Variants in NCAM2 observed in about 807,000 individuals in gnomAD.
NCAM2 encodes the protein N-CAM-2.
A neutral mutation model predicts 98.1 loss-of-function variants in NCAM2; 30 were observed. The observed-to-expected ratio is 0.31, with a 90% CI of 0.23 to 0.41. The LOEUF is 0.41. NCAM2 is among the 10% of genes least tolerant of loss of function. The probability of loss-of-function intolerance (pLI) is 1.00; values close to 1 mark genes in which losing one functional copy is unlikely to be tolerated. For synonymous variants in NCAM2, 368 were observed against 342.4 expected (o/e 1.07, Z -0.83); for missense variants, 867 against 1,005.8 (o/e 0.86, Z 1.87).
chr21:21,196,358 T>G (rs910738929), intron 1 of NCAM2, among the ~76,000 whole-genome samples: 1 of 152,222 alleles, frequency 6.6e-6, no homozygotes, highest in Non-Finnish European at 1.5e-5. Flanking sequence ...GGTGAGCCAT[T>G]TCGGTTCCAC....
chr21:21,502,437 G>T (rs1987698525), intron 15 of NCAM2, among the ~76,000 whole-genome samples: 2 of 151,824 alleles, frequency 1.3e-5, no homozygotes, highest in Admixed American at 1.3e-4. Flanking sequence ...CATGTCTATT[G>T]ACCTTAATCT....
chr21:21,328,326 A>G (rs540228886), intron 6 of NCAM2, among the ~76,000 whole-genome samples: 1 of 152,200 alleles, frequency 6.6e-6, no homozygotes, highest in Middle Eastern at 3.4e-3. Flanking sequence ...TATTTACTAT[A>G]CCGTACTTTT....
At chr21:21,135,020 G>A (rs1281579154) in intron 1 of NCAM2, among the ~76,000 whole-genome samples, 1 of 138,690 alleles carries the variant, frequency 7.2e-6, no homozygotes, top group African/African-American at 2.9e-5. Flanking sequence ...AGATCACGAG[G>A]TCAGGAGATC....
intron 10 of NCAM2, among the ~76,000 whole-genome samples, chr21:21,412,249 A>G (rs1326022560): frequency 6.6e-6 from 1 of 152,132 alleles, no homozygotes; most frequent in Non-Finnish European, 1.5e-5. Context: ...GCGCACACAG[A>G]GTTCTGGTGT....
intron 1 of NCAM2, among the ~76,000 whole-genome samples, chr21:21,227,103 T>C (rs1786341844): frequency 6.6e-6 from 1 of 152,046 alleles, no homozygotes; most frequent in East Asian, 1.9e-4. Flanking sequence ...ACAATGTTAC[T>C]GCAAACAAAT....
intron 16 of NCAM2, among the ~76,000 whole-genome samples, chr21:21,515,691 C>T (rs1988671616): frequency 6.6e-6 from 1 of 151,958 alleles, no homozygotes; most frequent in South Asian, 2.1e-4. Flanking sequence ...TAATTAAAAT[C>T]CAATATATTA....
chr21:21,194,075 A>C (rs1819188969), intron 1 of NCAM2, among the ~76,000 whole-genome samples: 1 of 152,158 alleles, frequency 6.6e-6, no homozygotes, highest in Admixed American at 6.5e-5. Context: ...TGACACGTAC[A>C]ACCTACATTT....
intron 1 of NCAM2, among the ~76,000 whole-genome samples, chr21:21,089,072 A>C (rs2826652): frequency 1.1e-5 from 1 of 90,908 alleles, no homozygotes; most frequent in Non-Finnish European, 2.2e-5. Context: ...TATGTCAATC[A>C]TTTTTTTTAG....
At chr21:21,433,719 G>T (rs1440856092) in intron 12 of NCAM2, among the ~76,000 whole-genome samples, 1 of 135,972 alleles carries the variant, frequency 7.4e-6, no homozygotes, top group East Asian at 2.4e-4. Context: ...CTCCAGCCTG[G>T]GCGACAGAGC....
intron 6 of NCAM2, among the ~76,000 whole-genome samples, chr21:21,331,883 G>C (rs1451018096): frequency 6.9e-6 from 1 of 144,690 alleles, no homozygotes; most frequent in Non-Finnish European, 1.5e-5. Context: ...CACCACACCT[G>C]GCCGTATCCT....
chr21:21,297,944 C>A (rs1270153070), intron 5 of NCAM2, among the ~76,000 whole-genome samples: 1 of 151,730 alleles, frequency 6.6e-6, no homozygotes. Flanking sequence ...GGATAAAAAA[C>A]ACCTAGTAAT....
intron 1 of NCAM2, among the ~76,000 whole-genome samples, chr21:21,088,521 T>G (rs941677040): frequency 6.6e-6 from 1 of 152,192 alleles, no homozygotes; most frequent in Admixed American, 6.5e-5. Context: ...AAGGAAAAGT[T>G]CAAACCACAT....
chr21:21,234,303 T>A (rs13050632), intron 1 of NCAM2, among the ~76,000 whole-genome samples: 2 of 151,668 alleles, frequency 1.3e-5, no homozygotes, highest in Non-Finnish European at 2.9e-5. Flanking sequence ...AAAAAAGTAG[T>A]AAATAAATGG....
intron 1 of NCAM2, among the ~76,000 whole-genome samples, chr21:21,068,135 C>CT (rs68078560): frequency 0.019 from 1,714 of 88,518 alleles, 69 homozygotes; most frequent in African/African-American, 0.062. Context: ...ACTTTTTTTT[C>CT]TTTTTTTTTT....
In NCAM2 at chr21:21,377,940, CT is replaced by C. The variant is rs1374691972; in HGVS notation, c.1195+3932del. Among the ~76,000 whole-genome samples the C allele has an allele frequency of 9.9e-5, 15 of 152,036 alleles. 1 individual carries two copies. The South Asian group carries it at 1.9e-3, about 19-fold the overall frequency. ...TTAAGGAAGATTATGAGGTAGTTGT[CT>C]TTTTGTGTTTGGCTTATTTAACTGA... On this transcript the variant is annotated intron_variant, in intron 9 of 17. Transcript: ENST00000400546.
intron 1 of NCAM2, among the ~76,000 whole-genome samples, chr21:21,259,638 T>C (rs1051182840): frequency 2.0e-5 from 3 of 152,106 alleles, no homozygotes; most frequent in African/African-American, 4.8e-5. Context: ...TAGAATGGCT[T>C]AGTGCTAGTT....
At chr21:21,500,446 A>C (rs577829865) in intron 15 of NCAM2, among the ~76,000 whole-genome samples, 1 of 152,158 alleles carries the variant, frequency 6.6e-6, no homozygotes, top group African/African-American at 2.4e-5. Context: ...AGAAATGGAA[A>C]TAGTGTTACA....
At chr21:21,276,574 A>T (rs1223011457) in intron 1 of NCAM2, among the ~76,000 whole-genome samples, 1 of 152,076 alleles carries the variant, frequency 6.6e-6, no homozygotes, top group African/African-American at 2.4e-5. Flanking sequence ...GAAACAATTT[A>T]GTTTTCTTCT....
chr21:21,151,925 A>G (rs903358488), intron 1 of NCAM2, among the ~76,000 whole-genome samples: 4 of 152,012 alleles, frequency 2.6e-5, no homozygotes, highest in African/African-American at 9.7e-5. Flanking sequence ...TATTGTTATG[A>G]TATACCTCAT....
Sources: allele counts gnomAD v4.1 joint callset (sites outside exome capture counted in the v4.1 genomes callset), GRCh38; gene constraint gnomAD v4.1.1; transcripts MANE v1.5; gene names NCBI Gene and HGNC (gene_info 2026-07-23, HGNC 2026-07-21).